The following NOX4 variants were observed in gnomAD, a reference collection of about 807,000 sequenced individuals.
NOX4 encodes kidney oxidase-1.
Under a neutral mutation model 87.6 loss-of-function variants are expected in NOX4, and 69 were observed. The observed-to-expected ratio is 0.79, with a 90% CI of 0.65 to 0.96. The LOEUF (loss-of-function observed/expected upper bound fraction) is 0.96, where lower values mean the gene tolerates loss of function less well. Ranked by LOEUF, NOX4 falls within the 40% of genes least tolerant of loss-of-function variation. NOX4 has a pLI of 0.00. For missense variants in NOX4, 680 were observed against 681.5 expected, an observed-to-expected ratio of 1.00 and a Z score of 0.02; for synonymous variants, 275 against 238.2, an observed-to-expected ratio of 1.15 and a Z score of -1.42.
At chr11:89,545,305 G>T in the NOX4 span, 34 of 152,224 alleles carry the variant, frequency 2.2e-4, no homozygotes, top group African/African-American at 8.2e-4. Flanking sequence ...ACTGTGTTAT[G>T]AGTCTAAACT....
At chr11:89,365,771 A>AAG (rs1296936183) in intron 12 of NOX4, among the ~76,000 whole-genome samples, 2 of 151,372 alleles carry the variant, frequency 1.3e-5, no homozygotes, top group Non-Finnish European at 1.5e-5. Context: ...AAAAAAAAAA[A>AAG]AAAAACAGGA....
the NOX4 span, among the ~76,000 whole-genome samples, chr11:89,513,526 A>T: frequency 6.6e-6 from 1 of 152,052 alleles, no homozygotes; most frequent in Non-Finnish European, 1.5e-5. Context: ...TTTCAAACAT[A>T]AGCAAAATAA....
At chr11:89,585,296 A>C in the NOX4 span, among the ~76,000 whole-genome samples, 1 of 151,924 alleles carries the variant, frequency 6.6e-6, no homozygotes, top group East Asian at 1.9e-4. Context: ...TTCCTTTCTT[A>C]CCTCTCTTAA....
chr11:89,393,848 A>G (rs571496265), intron 11 of NOX4, among the ~76,000 whole-genome samples: 37 of 152,298 alleles, frequency 2.4e-4, no homozygotes, highest in Admixed American at 7.2e-4. Context: ...ATTGAGTTCT[A>G]AAATCCTTGC....
At chr11:89,587,920 T>C in the NOX4 span, among the ~76,000 whole-genome samples, 1 of 152,144 alleles carries the variant, frequency 6.6e-6, no homozygotes, top group East Asian at 1.9e-4. Context: ...TAAAATACAA[T>C]AATCAGTAAC....
At chr11:89,462,667 T>G (rs1945523285) in intron 2 of NOX4, among the ~76,000 whole-genome samples, 3 of 152,188 alleles carry the variant, frequency 2.0e-5, no homozygotes, top group Admixed American at 2.0e-4. Flanking sequence ...CGTAACATCC[T>G]TGTTTCAAAC....
intron 12 of NOX4, among the ~76,000 whole-genome samples, chr11:89,368,456 C>A (rs1424877452): frequency 6.6e-6 from 1 of 152,038 alleles, no homozygotes; most frequent in African/African-American, 2.4e-5. Context: ...GCTTTGATGC[C>A]TGGTAAAGTC....
chr11:89,360,405 G>A (rs564032290), intron 12 of NOX4, among the ~76,000 whole-genome samples: 42 of 151,990 alleles, frequency 2.8e-4, no homozygotes, highest in African/African-American at 9.9e-4. Context: ...GCTTGAGTGT[G>A]GTAATCACTT....
At chr11:89,428,864 C>T (rs1416387570) in intron 7 of NOX4, among the ~76,000 whole-genome samples, 1 of 152,144 alleles carries the variant, frequency 6.6e-6, no homozygotes, top group Non-Finnish European at 1.5e-5. Context: ...ACCAAGCGGA[C>T]CTAATAGACA....
chr11:89,455,744 A>ATATATATATATATATATATATG (rs1163284365), intron 2 of NOX4, among the ~76,000 whole-genome samples: 138 of 146,814 alleles, frequency 9.4e-4, no homozygotes, highest in African/African-American at 3.4e-3. Flanking sequence ...ATATATATAT[A>ATATATATATATATATATATATG]TGAAACAAAA....
intron 2 of NOX4, among the ~76,000 whole-genome samples, chr11:89,477,517 C>A (rs940826060): frequency 1.3e-5 from 2 of 151,716 alleles, no homozygotes; most frequent in African/African-American, 4.8e-5. Flanking sequence ...CTGGGGACCG[C>A]TGAAAGAGTG....
At chr11:89,566,522 G>T in the NOX4 span, among the ~76,000 whole-genome samples, 6 of 151,998 alleles carry the variant, frequency 3.9e-5, no homozygotes, top group African/African-American at 1.5e-4. Flanking sequence ...TGAATATTTG[G>T]TAGGACTTAT....
At position 89,455,717 on chromosome 11, in the gene NOX4, GTCATATAT is replaced by G. The variant is rs1219293532; in HGVS notation, c.154-3830_154-3823del. ...TCCCCACTGTTATCAAGAAGATGAA[GTCATATAT>G]ATATATATATATATATATATGAAAC... is the stretch of plus-strand genomic sequence containing the variant. On this transcript the variant is annotated intron_variant, in intron 2 of 17. Transcript: ENST00000263317. Among the ~76,000 whole-genome samples, 179 of 59,240 alleles carry G rather than the reference GTCATATAT, an allele frequency of 3.0e-3. 2 individuals are homozygous for G. Among genetic ancestry groups the G allele is most frequent in the African/African-American group, 0.017 (168 of 10,046 alleles). The allele number at this position is 59,240 out of a possible 152,430, so 38.9% of individuals were successfully genotyped here. A position where few individuals can be genotyped will look rare whatever the true frequency, so the allele number is the denominator to read the frequency against.
chr11:89,414,059 A>G (rs1435907537), intron 8 of NOX4, among the ~76,000 whole-genome samples: 3 of 151,980 alleles, frequency 2.0e-5, no homozygotes, highest in Non-Finnish European at 4.4e-5. Flanking sequence ...GGTCTGGGAG[A>G]TACAATTATT....
At chr11:89,446,038 T>TA (rs982721450) in intron 4 of NOX4, among the ~76,000 whole-genome samples, 2 of 151,830 alleles carry the variant, frequency 1.3e-5, no homozygotes, top group African/African-American at 4.8e-5. Context: ...ACAACCCAAT[T>TA]AAAAAAATGT....
At chr11:89,362,634 G>A (rs1358287988) in intron 12 of NOX4, among the ~76,000 whole-genome samples, 4 of 151,962 alleles carry the variant, frequency 2.6e-5, no homozygotes, top group African/African-American at 7.2e-5. Context: ...GTGTGTGTGT[G>A]TATATATAGA....
the NOX4 span, among the ~76,000 whole-genome samples, chr11:89,530,483 C>T: frequency 1.1e-4 from 16 of 150,996 alleles, no homozygotes; most frequent in Non-Finnish European, 2.1e-4. Flanking sequence ...GCTGGAATTA[C>T]AGGCATGTGC....
intron 13 of NOX4, among the ~76,000 whole-genome samples, chr11:89,344,761 T>C (rs2134926427): frequency 6.6e-6 from 1 of 152,254 alleles, no homozygotes; most frequent in Admixed American, 6.5e-5. Context: ...CTCAGAAAGG[T>C]TAAATAATTT....
intron 14 of NOX4, 134 bp from the exon 15 acceptor site, chr11:89,340,305 C>T: frequency 1.6e-6 from 1 of 608,224 alleles, no homozygotes; most frequent in Non-Finnish European, 2.9e-6. Flanking sequence ...ACAGAAAAAT[C>T]AGTCATTTAC....
Sources: allele counts gnomAD v4.1 joint callset (sites outside exome capture counted in the v4.1 genomes callset), GRCh38; gene constraint gnomAD v4.1.1; transcripts MANE v1.5; gene names NCBI Gene and HGNC (gene_info 2026-07-23, HGNC 2026-07-21).